SH3D19: variants seen among roughly 807,000 people sequenced by gnomAD.
SH3D19 encodes SH3 domain containing 19, also known as SH3 domain-containing protein 19.
SH3D19 carries 58 observed loss-of-function variants against 112.1 expected under a neutral mutation model. The observed-to-expected ratio is 0.52, with a 90% CI of 0.42 to 0.64. The LOEUF (loss-of-function observed/expected upper bound fraction) is 0.64, where lower values mean the gene tolerates loss of function less well. Among genes scored for constraint, SH3D19 ranks in the 30% least tolerant of loss-of-function variants. The probability of loss-of-function intolerance (pLI) is 0.00; values close to 1 mark genes in which losing one functional copy is unlikely to be tolerated. For missense variants in SH3D19, 1,090 were observed against 1,263.4 expected, an observed-to-expected ratio of 0.86 and a Z score of 2.08; for synonymous variants, 391 against 448.5, an observed-to-expected ratio of 0.87 and a Z score of 1.62.
intron 1 of SH3D19, among the ~76,000 whole-genome samples, chr4:151,228,287 C>G (rs1769295132): frequency 6.6e-6 from 1 of 152,112 alleles, no homozygotes; most frequent in African/African-American, 2.4e-5. Flanking sequence ...TAAGAATTCA[C>G]ATAGTTGATA....
At chr4:151,134,160 T>C (rs1248849504) in intron 15 of SH3D19, among the ~76,000 whole-genome samples, 1 of 152,236 alleles carries the variant, frequency 6.6e-6, no homozygotes, top group African/African-American at 2.4e-5. Flanking sequence ...GAAATAGAAT[T>C]CAACTATTGT....
chr4:151,175,345 C>T lies in SH3D19; in HGVS notation c.859G>A (p.Glu287Lys), dbSNP rs1346452505. The change falls in exon 7 of 20, where the codon GAA becomes AAA. Residue 287 changes from glutamate (E) to lysine (K), a missense_variant. Glu to Lys is a moderately conservative substitution (Grantham distance 56, BLOSUM62 1). Coordinates refer to ENST00000604030, the MANE Select transcript of SH3D19 (RefSeq NM_001378122.1). Reference protein sequence around the residue: ...SQAVMNIMNTEQSQNSIVSRI... With the variant: ...SQAVMNIMNTKQSQNSIVSRI... ...GAAACAATACTATTTTGGCTTTGTT[C>T]TGTGTTCATAATGTTCATCACTGCC... The T allele has an allele frequency of 6.2e-7, 1 of 1,611,314 alleles. No individual in the cohort carries two copies. The highest frequency in any genetic ancestry group is 1.7e-5 in the Admixed American group (1 of 59,812).
intron 2 of SH3D19, among the ~76,000 whole-genome samples, chr4:151,194,016 ATTTTT>A (rs201719037): frequency 5.4e-5 from 6 of 111,894 alleles, no homozygotes; most frequent in African/African-American, 1.8e-4. Context: ...AGTAGGATTA[ATTTTT>A]TTTTTTTTTT....
At chr4:151,268,805 G>A (rs1773015710) in intron 1 of SH3D19, among the ~76,000 whole-genome samples, 1 of 148,504 alleles carries the variant, frequency 6.7e-6, no homozygotes, top group Non-Finnish European at 1.5e-5. Context: ...ATTCCATGGT[G>A]TATATGTGCC....
intron 2 of SH3D19, among the ~76,000 whole-genome samples, chr4:151,207,546 C>A (rs1447940719): frequency 6.6e-6 from 1 of 152,206 alleles, no homozygotes; most frequent in Non-Finnish European, 1.5e-5. Context: ...AGGACCAAAT[C>A]TGTATCTTTT....
intron 7 of SH3D19, among the ~76,000 whole-genome samples, chr4:151,167,609 A>G (rs1758266844): frequency 6.6e-6 from 1 of 152,194 alleles, no homozygotes; most frequent in African/African-American, 2.4e-5. Context: ...TTCAATATTG[A>G]CTGGGTGCCT....
intron 1 of SH3D19, chr4:151,279,342 C>A (rs1773956914): frequency 5.5e-6 from 1 of 181,618 alleles, no homozygotes; most frequent in African/African-American, 2.4e-5. Flanking sequence ...GAGCCACTAT[C>A]CCTGGTTTAA....
chr4:151,301,062 G>A (rs7695360), intron 1 of SH3D19, among the ~76,000 whole-genome samples: 48,887 of 152,018 alleles, frequency 0.32, 9,545 homozygotes, highest in Non-Finnish European at 0.44. Context: ...TAAGTGATAC[G>A]GTTTGGATCT....
chr4:151,317,468 C>T (rs1264625377), intron 1 of SH3D19, among the ~76,000 whole-genome samples: 1 of 152,142 alleles, frequency 6.6e-6, no homozygotes, highest in Non-Finnish European at 1.5e-5. Context: ...TAAGGGAAAA[C>T]AGTGAATATG....
intron 2 of SH3D19, among the ~76,000 whole-genome samples, chr4:151,213,007 T>C (rs541133699): frequency 6.6e-6 from 1 of 152,132 alleles, no homozygotes; most frequent in Admixed American, 6.6e-5. Context: ...ACTGCAGATA[T>C]AGTGGAAACA....
chr4:151,204,157 C>T (rs565332563), intron 2 of SH3D19, among the ~76,000 whole-genome samples: 13 of 152,242 alleles, frequency 8.5e-5, no homozygotes, highest in Middle Eastern at 3.4e-3. Context: ...AAAAACCCTA[C>T]ATGAATTAGC....
intron 17 of SH3D19, among the ~76,000 whole-genome samples, chr4:151,130,970 G>GA (rs931210882): frequency 1.3e-5 from 2 of 151,284 alleles, no homozygotes; most frequent in Non-Finnish European, 2.9e-5. Context: ...AGAAGTGGGG[G>GA]AAAAAAACCT....
At chr4:151,156,345 C>T (rs1014090957) in intron 9 of SH3D19, among the ~76,000 whole-genome samples, 1 of 152,068 alleles carries the variant, frequency 6.6e-6, no homozygotes, top group Non-Finnish European at 1.5e-5. Flanking sequence ...TACGGAACCG[C>T]AAAAGGCCCC....
rs1363549138 is a variant in SH3D19 at position 151,323,267 on chromosome 4, T to C, written c.112+1974A>G. 2.6e-5 allele frequency among the ~76,000 whole-genome samples: 4 copies of C among 152,114 alleles called. No individual in the cohort carries two copies. In the East Asian group the frequency reaches 7.7e-4, roughly 29 times the overall value. ...ATCAGAGAAAAGGAAACTCTTTAGA[T>C]TGTAAAATGATAAGGGAAGGAGGGA... On this transcript the variant is annotated intron_variant, in intron 1 of 19. Transcript: ENST00000604030.
chr4:151,290,668 T>C (rs1775232595), intron 1 of SH3D19, among the ~76,000 whole-genome samples: 1 of 152,154 alleles, frequency 6.6e-6, no homozygotes, highest in Non-Finnish European at 1.5e-5. Flanking sequence ...TTGTGTAGTA[T>C]GTGAATTATA....
In SH3D19 at chr4:151,133,384, G is replaced by C. The variant is rs1561202514; in HGVS notation, c.2487-148C>G. On this transcript the variant is annotated intron_variant, in intron 15 of 19. Transcript: ENST00000604030. ...TAATTTGAAATTATTCCATGAAAAAGAGTAAGTTACACTTTTAAGTAACAG... is the reference window on the plus strand; with the variant it reads ...TAATTTGAAATTATTCCATGAAAAACAGTAAGTTACACTTTTAAGTAACAG... 8.5e-6 allele frequency: 6 copies of C among 704,662 alleles called. No homozygotes were observed. In the Admixed American group the frequency reaches 1.4e-4, roughly 17 times the overall value. 43.7% of individuals were successfully genotyped at this position (704,662 alleles called of 1,614,324 possible).
intron 1 of SH3D19, among the ~76,000 whole-genome samples, chr4:151,311,193 A>T (rs111814923): frequency 0.083 from 12,627 of 151,332 alleles, 1,655 homozygotes; most frequent in African/African-American, 0.28. Flanking sequence ...AAGGAAATCC[A>T]GCCTGGGCAA....
chr4:151,324,831 G>GC (rs1278136197), intron 1 of SH3D19, among the ~76,000 whole-genome samples: 3 of 152,084 alleles, frequency 2.0e-5, no homozygotes, highest in African/African-American at 7.2e-5. Context: ...AACAGGACTT[G>GC]CCTCAGTTAT....
chr4:151,191,061 C>T lies in SH3D19; in HGVS notation c.153-3598G>A, dbSNP rs139538351. 5.8e-4 allele frequency among the ~76,000 whole-genome samples: 89 copies of T among 152,270 alleles called. 1 individual carries two copies. In the East Asian group the frequency reaches 0.014, roughly 25 times the overall value. On this transcript the variant is annotated intron_variant, in intron 2 of 19. Coordinates refer to ENST00000604030, the MANE Select transcript of SH3D19 (RefSeq NM_001378122.1). The stretch of plus-strand genomic sequence containing the variant: ...TTTTGGACCTGGCGTCAAAGTAGAT[C>T]GTTTTGGAGCTTTAAGATTTGACCT...
Sources: allele counts gnomAD v4.1 joint callset (sites outside exome capture counted in the v4.1 genomes callset), GRCh38; gene constraint gnomAD v4.1.1; transcripts MANE v1.5; gene names NCBI Gene and HGNC (gene_info 2026-07-23, HGNC 2026-07-21).